LRRC4C: variants seen among roughly 807,000 people sequenced by gnomAD.
LRRC4C encodes leucine rich repeat containing 4C.
LRRC4C carries 5 observed loss-of-function variants against 33.6 expected under a neutral mutation model. The observed-to-expected ratio is 0.15, with a 90% confidence interval of 0.08 to 0.31. The LOEUF (loss-of-function observed/expected upper bound fraction) is 0.31, where lower values mean the gene tolerates loss of function less well. LRRC4C is among the 10% of genes least tolerant of loss of function. The probability of loss-of-function intolerance (pLI) is 1.00; values close to 1 mark genes in which losing one functional copy is unlikely to be tolerated. For missense variants in LRRC4C, 560 were observed against 796.7 expected (o/e 0.70, Z 3.58); for synonymous variants, 329 against 302.0 (o/e 1.09, Z -0.93).
chr11:40,115,232 G>A lies in LRRC4C; in HGVS notation c.1061C>T (p.Pro354Leu), dbSNP rs778049301. 9 of 1,614,150 alleles carry A rather than the reference G, an allele frequency of 5.6e-6. No individual in the cohort carries two copies. Among genetic ancestry groups the A allele is most frequent in the African/African-American group, 1.3e-5 (1 of 75,018 alleles). Residue 354 changes from proline (P) to leucine (L), a missense_variant, in exon 7 of 7, where the codon CCG (proline) becomes CTG (leucine). This residue lies in a region of LRRC4C where 455 missense variants were observed against 643.8 expected (regional missense o/e 0.71). Coordinates refer to ENST00000528697, the MANE Select transcript of LRRC4C (RefSeq NM_001258419.2). This position sits in a 1 kb window ranked among gnomAD's most constrained non-coding sequence, Gnocchi z 6.7. The part of the protein sequence containing the change: ...LDQNYFTCYA[P>L]VIVEPPADLN... ...GTCTGCAGGGGGCTCCACAATCACC[G>A]GAGCATAGCATGTGAAGTAATTCTG...
chr11:40,769,365 G>A (rs1591669485), intron 2 of LRRC4C, among the ~76,000 whole-genome samples: 2 of 152,056 alleles, frequency 1.3e-5, no homozygotes, highest in South Asian at 2.1e-4. Flanking sequence ...CCACATTCAT[G>A]GTTTGGAAGA....
At chr11:41,071,092 TC>T (rs753509069) in intron 1 of LRRC4C, among the ~76,000 whole-genome samples, 1 of 152,170 alleles carries the variant, frequency 6.6e-6, no homozygotes, top group Admixed American at 6.5e-5. Context: ...TGAGATCATG[TC>T]CTTTGCAGGG....
intron 1 of LRRC4C, among the ~76,000 whole-genome samples, chr11:40,958,438 T>C (rs1219964335): frequency 3.3e-5 from 5 of 151,772 alleles, no homozygotes; most frequent in African/African-American, 9.7e-5. Context: ...AAGACATACA[T>C]TGACAAATAC....
intron 1 of LRRC4C, among the ~76,000 whole-genome samples, chr11:40,936,403 T>A (rs1012294635): frequency 6.8e-6 from 1 of 147,460 alleles, no homozygotes; most frequent in African/African-American, 2.5e-5. Flanking sequence ...AGTGGCGCGA[T>A]CTCGGCTCAC....
At chr11:40,730,443 T>C (rs1947506987) in intron 2 of LRRC4C, among the ~76,000 whole-genome samples, 2 of 152,134 alleles carry the variant, frequency 1.3e-5, no homozygotes, top group South Asian at 2.1e-4. Context: ...TATATTTCCA[T>C]AGAGATACAG....
intron 1 of LRRC4C, among the ~76,000 whole-genome samples, chr11:41,437,775 C>G (rs1440670608): frequency 6.6e-6 from 1 of 152,136 alleles, no homozygotes; most frequent in South Asian, 2.1e-4. Flanking sequence ...CCCTGGCTTA[C>G]GCCTGTAATC....
intron 1 of LRRC4C, among the ~76,000 whole-genome samples, chr11:41,338,990 A>G (rs1220594561): frequency 6.6e-6 from 1 of 152,228 alleles, no homozygotes; most frequent in African/African-American, 2.4e-5. Context: ...TAAAAGAGTA[A>G]CACATAGAAA....
chr11:40,363,961 C>T (rs1467103989), intron 3 of LRRC4C, among the ~76,000 whole-genome samples: 1 of 152,188 alleles, frequency 6.6e-6, no homozygotes, highest in Non-Finnish European at 1.5e-5. Context: ...GAAGAAACAT[C>T]ATATTCGTAC....
intron 1 of LRRC4C, among the ~76,000 whole-genome samples, chr11:41,364,792 C>T (rs1952476290): frequency 1.3e-5 from 2 of 152,288 alleles, no homozygotes; most frequent in South Asian, 2.1e-4. Context: ...TTCTTCACCT[C>T]AGTTTTTCCC....
At chr11:40,347,934 G>T (rs759923324) in intron 3 of LRRC4C, among the ~76,000 whole-genome samples, 4 of 152,166 alleles carry the variant, frequency 2.6e-5, no homozygotes, top group African/African-American at 7.2e-5. Flanking sequence ...AAAGGGCATT[G>T]TAGGGTTGTT....
intron 2 of LRRC4C, among the ~76,000 whole-genome samples, chr11:40,775,868 A>G (rs1949972303): frequency 6.6e-6 from 1 of 152,162 alleles, no homozygotes; most frequent in South Asian, 2.1e-4. Flanking sequence ...CTTAAGGGGA[A>G]TGTTTTCTGC....
chr11:40,659,130 C>T (rs1380161143), intron 2 of LRRC4C, among the ~76,000 whole-genome samples: 2 of 152,334 alleles, frequency 1.3e-5, no homozygotes, highest in African/African-American at 2.4e-5. Flanking sequence ...TGTCTGGCCT[C>T]TCCCTGTTCC....
At chr11:41,075,775 C>T (rs532944111) in intron 1 of LRRC4C, among the ~76,000 whole-genome samples, 2 of 152,222 alleles carry the variant, frequency 1.3e-5, no homozygotes, top group South Asian at 2.1e-4. Flanking sequence ...GTATGCACTC[C>T]AATCAGATTT....
chr11:40,272,330 C>G (rs1435904462), intron 4 of LRRC4C, among the ~76,000 whole-genome samples: 1 of 152,118 alleles, frequency 6.6e-6, no homozygotes, highest in Non-Finnish European at 1.5e-5. Flanking sequence ...AAATGAATAT[C>G]TGAAAACATA....
intron 1 of LRRC4C, among the ~76,000 whole-genome samples, chr11:41,030,399 G>A (rs115638898): frequency 0.012 from 1,822 of 151,870 alleles, 37 homozygotes; most frequent in African/African-American, 0.042. Context: ...ATTTGATTAT[G>A]TTCAGACCTG....
chr11:40,119,850 C>G (rs1280661430), intron 6 of LRRC4C, among the ~76,000 whole-genome samples: 1 of 152,118 alleles, frequency 6.6e-6, no homozygotes, highest in Non-Finnish European at 1.5e-5. Flanking sequence ...TTATCAGGTT[C>G]TCCCAGGACT....
At chr11:41,071,399 C>T (rs759761917) in intron 1 of LRRC4C, among the ~76,000 whole-genome samples, 4 of 151,782 alleles carry the variant, frequency 2.6e-5, no homozygotes, top group Admixed American at 6.6e-5. Flanking sequence ...ACATGTGTCC[C>T]GGAACTTAAA....
chr11:40,951,790 A>C (rs1007240410), intron 1 of LRRC4C, among the ~76,000 whole-genome samples: 1 of 152,012 alleles, frequency 6.6e-6, no homozygotes, highest in Non-Finnish European at 1.5e-5. Context: ...TAAGACAAGA[A>C]GACTAGGAGT....
chr11:40,517,578 G>A (rs996335561), intron 3 of LRRC4C, among the ~76,000 whole-genome samples: 2 of 152,080 alleles, frequency 1.3e-5, no homozygotes, highest in Non-Finnish European at 2.9e-5. Flanking sequence ...ACAGGACTGT[G>A]AGAACCCACC....
Sources: allele counts gnomAD v4.1 joint callset (sites outside exome capture counted in the v4.1 genomes callset), GRCh38; gene constraint gnomAD v4.1.1; regional missense constraint gnomAD v4.1.1; non-coding constraint Gnocchi (gnomAD v3.1); transcripts MANE v1.5; gene names NCBI Gene and HGNC (gene_info 2026-07-23, HGNC 2026-07-21).